Variants in CEP15 observed in about 807,000 individuals in gnomAD.
The protein encoded by CEP15 is centrosomal protein 15.
the CEP15 span, chr3:62,333,541 C>T: frequency 1.3e-6 from 1 of 784,754 alleles, no homozygotes; most frequent in East Asian, 2.9e-5. This position sits in a 1 kb window ranked among gnomAD's most constrained non-coding sequence, Gnocchi z 4.0. Flanking sequence ...ACTGGCAAGT[C>T]ACATGTTATC....
the CEP15 span, among the ~76,000 whole-genome samples, chr3:62,323,114 C>T: frequency 3.9e-5 from 6 of 152,284 alleles, no homozygotes; most frequent in African/African-American, 1.4e-4. Flanking sequence ...CAAGCATTTT[C>T]CTTTTAATGA....
chr3:62,328,155 G>T, the CEP15 span, among the ~76,000 whole-genome samples: 1 of 152,140 alleles, frequency 6.6e-6, no homozygotes, highest in African/African-American at 2.4e-5. Flanking sequence ...TTGTTTTGTT[G>T]TTGTTGTTAA....
the CEP15 span, among the ~76,000 whole-genome samples, chr3:62,323,696 A>G: frequency 9.0e-3 from 1,374 of 152,326 alleles, 21 homozygotes; most frequent in African/African-American, 0.03. Context: ...TCGTAGTCAT[A>G]CATATATAAG....
At chr3:62,322,352 A>T in the CEP15 span, 1 of 229,368 alleles carries the variant, frequency 4.4e-6, no homozygotes, top group Non-Finnish European at 8.3e-6. This position sits in a 1 kb window ranked among gnomAD's most constrained non-coding sequence, Gnocchi z 5.5. Context: ...CAGAAGATGT[A>T]CCTTTCCATC....
chr3:62,331,818 A>T, the CEP15 span, among the ~76,000 whole-genome samples: 1 of 152,160 alleles, frequency 6.6e-6, no homozygotes, highest in Admixed American at 6.6e-5. Context: ...ATTATCATAC[A>T]ATATAGTATG....
the CEP15 span, chr3:62,333,493 C>T: frequency 1.8e-5 from 22 of 1,247,824 alleles, no homozygotes; most frequent in Non-Finnish European, 2.4e-5. This position sits in a 1 kb window ranked among gnomAD's most constrained non-coding sequence, Gnocchi z 4.0. Context: ...TCATATTCTT[C>T]GATTATCTCC....
chr3:62,335,266 T>C, the CEP15 span: 1 of 152,048 alleles, frequency 6.6e-6, no homozygotes, highest in African/African-American at 2.4e-5. Context: ...TTGAAAAGCA[T>C]AAACGTAATA....
the CEP15 span, chr3:62,335,194 A>C: frequency 1.2e-4 from 19 of 152,128 alleles, no homozygotes; most frequent in Non-Finnish European, 2.5e-4. Flanking sequence ...ATGGCAATCT[A>C]ACCATCTCAG....
the CEP15 span, chr3:62,333,743 T>G: frequency 1.2e-5 from 2 of 162,682 alleles, no homozygotes; most frequent in South Asian, 1.8e-4. The surrounding 1 kb of genome is among the most constrained non-coding windows in gnomAD (Gnocchi z 4.0). Context: ...TAAGTTAAGT[T>G]TTTTAGAATC....
chr3:62,328,660 G>T, the CEP15 span, among the ~76,000 whole-genome samples: 9 of 152,104 alleles, frequency 5.9e-5, no homozygotes, highest in African/African-American at 1.9e-4. Flanking sequence ...TGCCTGCCTT[G>T]GATACCTTTT....
the CEP15 span, chr3:62,336,009 G>C: frequency 2.6e-5 from 4 of 152,106 alleles, no homozygotes; most frequent in Admixed American, 2.6e-4. This position sits in a 1 kb window ranked among gnomAD's most constrained non-coding sequence, Gnocchi z 4.4. Flanking sequence ...GGAGCAGTGT[G>C]AATGAAAGTG....
At chr3:62,332,193 A>G in the CEP15 span, among the ~76,000 whole-genome samples, 1 of 152,056 alleles carries the variant, frequency 6.6e-6, no homozygotes, top group Non-Finnish European at 1.5e-5. Context: ...GACCCACACA[A>G]TGGGAGTTAC....
At chr3:62,320,541 G>A in the CEP15 span, 2 of 1,589,710 alleles carry the variant, frequency 1.3e-6, no homozygotes, top group Non-Finnish European at 1.7e-6. Context: ...TTTTTTAAAG[G>A]GATGATTCAG....
the CEP15 span, among the ~76,000 whole-genome samples, chr3:62,328,213 C>T: frequency 6.6e-6 from 1 of 152,160 alleles, no homozygotes; most frequent in East Asian, 1.9e-4. Flanking sequence ...TTCAATTGCA[C>T]GATTGCAGAT....
chr3:62,329,077 C>G, the CEP15 span, among the ~76,000 whole-genome samples: 1 of 151,866 alleles, frequency 6.6e-6, no homozygotes, highest in African/African-American at 2.4e-5. Context: ...AGGCATGCAT[C>G]ATAGAGTAAG....
At chr3:62,332,749 C>CTAAT in the CEP15 span, among the ~76,000 whole-genome samples, 2,308 of 152,170 alleles carry the variant, frequency 0.015, 27 homozygotes, top group Middle Eastern at 0.044. Context: ...TCCAATATCT[C>CTAAT]TAATTCCTGT....
chr3:62,327,866 T>C, the CEP15 span, among the ~76,000 whole-genome samples: 9 of 152,326 alleles, frequency 5.9e-5, no homozygotes, highest in African/African-American at 2.2e-4. Context: ...GGATTTGCAA[T>C]GTTTCGATCC....
At chr3:62,323,871 C>T in the CEP15 span, 2 of 152,250 alleles carry the variant, frequency 1.3e-5, no homozygotes, top group African/African-American at 2.4e-5. Flanking sequence ...AAAATTAATA[C>T]ATTTTTGTAT....
chr3:62,329,657 A>T, the CEP15 span, among the ~76,000 whole-genome samples: 1 of 152,182 alleles, frequency 6.6e-6, no homozygotes, highest in Non-Finnish European at 1.5e-5. Flanking sequence ...TTACCAGGCC[A>T]CATGTCTCCT....
Sources: allele counts gnomAD v4.1 joint callset (sites outside exome capture counted in the v4.1 genomes callset), GRCh38; gene constraint gnomAD v4.1.1; non-coding constraint Gnocchi (gnomAD v3.1); transcripts MANE v1.5; gene names NCBI Gene and HGNC (gene_info 2026-07-23, HGNC 2026-07-21).